RBL1: variants seen among roughly 807,000 people sequenced by gnomAD.
RBL1 encodes the protein retinoblastoma-like protein 1.
RBL1 carries 82 observed loss-of-function variants against 123.0 expected under a neutral mutation model. The observed-to-expected ratio is 0.67, with a 90% CI of 0.56 to 0.80. RBL1 has a LOEUF of 0.80. Ranked by LOEUF, RBL1 falls within the 30% of genes least tolerant of loss-of-function variation. RBL1 has a pLI of 0.00. For synonymous variants in RBL1, 405 were observed against 441.3 expected, an observed-to-expected ratio of 0.92 and a Z score of 1.03; for missense variants, 1,171 against 1,299.6, an observed-to-expected ratio of 0.90 and a Z score of 1.52.
rs537546519 is a variant in RBL1, at chr20:36,997,671, T to C, written c.*1088A>G. On this transcript the variant is annotated 3_prime_UTR_variant, in exon 22 of 22. Coordinates refer to ENST00000373664, the MANE Select transcript of RBL1 (RefSeq NM_002895.5). ...TAATAGGAATTTAGTTTTTAATAAC[T>C]AACTGAATTTTATTTTACTGGCTTC... is the stretch of plus-strand genomic sequence containing the variant. The C allele has an allele frequency of 1.3e-5, 2 of 152,300 alleles. No individual in the cohort carries two copies. The highest frequency in any genetic ancestry group is 2.1e-4 in the South Asian group (1 of 4,824). The allele number at this position is 152,300 out of a possible 1,614,324, so 9.4% of individuals were successfully genotyped here.
In RBL1 at chr20:37,078,116, T is replaced by C. The variant is rs541781646; in HGVS notation, c.291-9930A>G. On this transcript the variant is annotated intron_variant, in intron 2 of 21. Coordinates refer to ENST00000373664, the MANE Select transcript of RBL1 (RefSeq NM_002895.5). Reference sequence around the variant, plus strand: ...TTCCCTCATTATTAGATTTAGGCTATGTATTTTTGACAAGAGTATTACCTA... The same window carrying C: ...TTCCCTCATTATTAGATTTAGGCTACGTATTTTTGACAAGAGTATTACCTA... 3.9e-5 allele frequency among the ~76,000 whole-genome samples: 6 copies of C among 152,312 alleles called. No homozygotes were observed. The South Asian group carries it at 1.2e-3, about 32-fold the overall frequency.
chr20:37,036,626 C>CTTTT (rs11340151), intron 14 of RBL1, among the ~76,000 whole-genome samples: 2 of 107,850 alleles, frequency 1.9e-5, no homozygotes, highest in East Asian at 2.6e-4. Context: ...ATTTTCTTTT[C>CTTTT]TTTTTTTTTT....
intron 19 of RBL1, among the ~76,000 whole-genome samples, chr20:37,017,647 T>TGTGTGTGTGTGTGTGTGC (rs1319867897): frequency 1.3e-5 from 2 of 151,606 alleles, no homozygotes; most frequent in African/African-American, 4.9e-5. Context: ...TGTGTGTGTG[T>TGTGTGTGTGTGTGTGTGC]GTGTGACAGA....
Position 37,073,705 on chromosome 20 carries a change from G to GAAAA in RBL1, c.291-5523_291-5520dup, listed in dbSNP as rs796752326. 2.1e-3 allele frequency among the ~76,000 whole-genome samples: 215 copies of GAAAA among 103,138 alleles called. 4 individuals are homozygous for GAAAA. Among genetic ancestry groups the GAAAA allele is most frequent in the Non-Finnish European group, 3.4e-3 (185 of 54,352 alleles). The allele number at this position is 103,138 out of a possible 152,430, so 67.7% of individuals were successfully genotyped here. A position where few individuals can be genotyped will look rare whatever the true frequency, so the allele number is the denominator to read the frequency against. ...AGAGTGAGATCCTGTCTCAAAAAAAGAAAAAAAAAAAAAAAAAGAATACAC... is the reference window on the plus strand; with the variant it reads ...AGAGTGAGATCCTGTCTCAAAAAAAGAAAAAAAAAAAAAAAAAAAAAGAATACAC... On this transcript the variant is annotated intron_variant, in intron 2 of 21. Transcript: ENST00000373664.
chr20:37,058,116 A>T (rs1600547995), intron 9 of RBL1, among the ~76,000 whole-genome samples: 1 of 131,924 alleles, frequency 7.6e-6, no homozygotes, highest in South Asian at 2.5e-4. Context: ...AACTCTGTCT[A>T]AAAAAAAAAA....
intron 17 of RBL1, among the ~76,000 whole-genome samples, chr20:37,021,537 C>T (rs564873381): frequency 3.3e-5 from 5 of 151,898 alleles, no homozygotes; most frequent in East Asian, 1.9e-4. Context: ...CTCTGCCTCC[C>T]GGTTTCAAGT....
At chr20:37,059,595 G>A (rs2065062800) in intron 9 of RBL1, among the ~76,000 whole-genome samples, 1 of 152,134 alleles carries the variant, frequency 6.6e-6, no homozygotes, top group African/African-American at 2.4e-5. Context: ...CTGAAGTATT[G>A]ATGAGAATTC....
At chr20:37,047,517 G>T (rs2146271753) in intron 11 of RBL1, among the ~76,000 whole-genome samples, 1 of 151,962 alleles carries the variant, frequency 6.6e-6, no homozygotes, top group Middle Eastern at 3.4e-3. Context: ...TCAACATAAG[G>T]GTTTATTTAT....
At chr20:37,012,065 G>C (rs1427878918) in intron 19 of RBL1, among the ~76,000 whole-genome samples, 1 of 152,236 alleles carries the variant, frequency 6.6e-6, no homozygotes, top group Non-Finnish European at 1.5e-5. Flanking sequence ...GGGTTTCGCT[G>C]TGTTGGCTGG....
intron 15 of RBL1, among the ~76,000 whole-genome samples, chr20:37,033,916 G>GC (rs990503869): frequency 3.3e-5 from 5 of 149,710 alleles, no homozygotes; most frequent in East Asian, 4.0e-4. Context: ...TGTGCCTGGC[G>GC]CCCCCCGGGC....
Position 37,044,188 on chromosome 20 carries a change from G to A in RBL1, c.1668C>T (p.Asn556=). The change falls in exon 13 of 22, where the codon AAC becomes AAT. Residue 556 remains asparagine, a synonymous_variant. Transcript: ENST00000373664. ...TCTCCAAAATCTGTTCTTCAATGCT[G>A]TTTAGGTGTTTCACCATGTCCCTTG... ...GLSRDMVKHL[N]SIEEQILESL... 5 of 1,613,848 alleles carry A rather than the reference G, an allele frequency of 3.1e-6. No individual in the cohort carries two copies. Among genetic ancestry groups the A allele is most frequent in the Non-Finnish European group, 4.2e-6 (5 of 1,179,936 alleles).
chr20:37,015,112 A>G (rs541444452), intron 19 of RBL1, among the ~76,000 whole-genome samples: 1 of 151,822 alleles, frequency 6.6e-6, no homozygotes, highest in East Asian at 1.9e-4. Context: ...GTGTAGCAGA[A>G]TTTGATCTGA....
In RBL1 at chr20:36,996,921, C is replaced by G. The variant is rs1393741114; in HGVS notation, c.*1838G>C. ...TGAGGATGTAATTTTCATTTACAAG[C>G]AAAATGTGACCAAAATCCCTTTTCT... On this transcript the variant is annotated 3_prime_UTR_variant, in exon 22 of 22. Transcript: ENST00000373664. The G allele has an allele frequency of 6.6e-6, 1 of 152,118 alleles. No homozygotes were observed. The highest frequency in any genetic ancestry group is 1.5e-5 in the Non-Finnish European group (1 of 68,028). The allele number at this position is 152,118 out of a possible 1,614,324, so 9.4% of individuals were successfully genotyped here.
chr20:37,035,623 T>C (rs1281224728), intron 14 of RBL1, 115 bp from the exon 15 acceptor site: 2 of 896,968 alleles, frequency 2.2e-6, no homozygotes, highest in East Asian at 5.5e-5. Flanking sequence ...TAGATATGAA[T>C]AACATGGCCT....
intron 12 of RBL1, 82 bp from the exon 13 acceptor site, chr20:37,044,332 T>TTTCTTC: frequency 1.5e-6 from 2 of 1,341,904 alleles, no homozygotes; most frequent in East Asian, 2.4e-5. Flanking sequence ...TAGCTGTGGC[T>TTTCTTC]TTCTTCTTCT....
chr20:37,009,885 T>G (rs1279352596), intron 19 of RBL1, among the ~76,000 whole-genome samples: 6 of 151,844 alleles, frequency 4.0e-5, no homozygotes, highest in Non-Finnish European at 8.8e-5. Context: ...AAAAACTAGG[T>G]GTGGTGGCAT....
chr20:37,015,620 C>T (rs1463434260), intron 19 of RBL1, among the ~76,000 whole-genome samples: 4 of 152,064 alleles, frequency 2.6e-5, no homozygotes, highest in African/African-American at 4.8e-5. Context: ...TTAGTGGAGA[C>T]GAGGTTTCAC....
In RBL1 at chr20:37,095,979, T is replaced by G. The variant is rs1469745174; in HGVS notation, c.-51A>C. ...CCACGGCCCCCGACTTCTTTCTCCC[T>G]CCCAGGCGCGCTACCCACAACCACC... is the stretch of plus-strand genomic sequence containing the variant. On this transcript the variant is annotated 5_prime_UTR_variant, in exon 1 of 22. Coordinates refer to ENST00000373664, the MANE Select transcript of RBL1 (RefSeq NM_002895.5). The G allele has an allele frequency of 1.4e-6, 2 of 1,401,114 alleles. No individual in the cohort carries two copies. Among genetic ancestry groups the G allele is most frequent in the South Asian group, 1.5e-5 (1 of 67,742 alleles). 86.8% of individuals were successfully genotyped at this position (1,401,114 alleles called of 1,614,324 possible). A position where few individuals can be genotyped will look rare whatever the true frequency, so the allele number is the denominator to read the frequency against.
chr20:37,076,527 G>A (rs566383714), intron 2 of RBL1, among the ~76,000 whole-genome samples: 2 of 152,284 alleles, frequency 1.3e-5, no homozygotes, highest in Admixed American at 6.5e-5. Context: ...GATGATTCAC[G>A]TCCCAAGCAG....
Sources: allele counts gnomAD v4.1 joint callset (sites outside exome capture counted in the v4.1 genomes callset), GRCh38; gene constraint gnomAD v4.1.1; transcripts MANE v1.5; gene names NCBI Gene and HGNC (gene_info 2026-07-23, HGNC 2026-07-21).